Variants in C3orf38 observed in about 807,000 individuals in gnomAD.
The protein encoded by C3orf38 is chromosome 3 open reading frame 38.
C3orf38 carries 18 observed loss-of-function variants against 28.3 expected under a neutral mutation model. The ratio of observed to expected loss-of-function variants is 0.64; its 90% CI spans 0.44 to 0.94. C3orf38 has a LOEUF of 0.94. C3orf38 is among the 40% of genes least tolerant of loss of function. C3orf38 has a pLI of 0.00. For synonymous variants in C3orf38, 145 were observed against 138.1 expected (o/e 1.05, Z -0.35); for missense variants, 364 against 396.4 (o/e 0.92, Z 0.69).
At chr3:88,154,278 C>T (rs968143416) in intron 2 of C3orf38, among the ~76,000 whole-genome samples, 6 of 152,144 alleles carry the variant, frequency 3.9e-5, no homozygotes, top group African/African-American at 1.2e-4. Flanking sequence ...TGGTTTGCTG[C>T]GCCTATCAAC....
rs1279286656 is a variant in C3orf38 at position 88,156,404 on chromosome 3, T to G, written c.759T>G (p.Ile253Met). ...GNTCLGIFEQ[I>M]FGLIRCPFVE... ...CTTGTTTGGGCATTTTTGAACAAATTTTTGGACTCATCCGCTGCCCTTTTG... is the reference window on the plus strand; with the variant it reads ...CTTGTTTGGGCATTTTTGAACAAATGTTTGGACTCATCCGCTGCCCTTTTG... The change falls in exon 3 of 3, where the codon ATT becomes ATG. Residue 253 changes from isoleucine to methionine, a missense_variant. Coordinates refer to ENST00000318887, the MANE Select transcript of C3orf38 (RefSeq NM_173824.4). 3 of 1,614,208 alleles carry G rather than the reference T, an allele frequency of 1.9e-6. No homozygotes were observed. The highest frequency in any genetic ancestry group is 1.7e-6 in the Non-Finnish European group (2 of 1,180,036).
At chr3:88,151,634 A>G (rs936382360) in intron 1 of C3orf38, among the ~76,000 whole-genome samples, 2 of 152,154 alleles carry the variant, frequency 1.3e-5, no homozygotes, top group African/African-American at 4.8e-5. Context: ...TGTGTATGAG[A>G]ATGTTCAAAG....
chr3:88,153,571 G>GT (rs1196804140), intron 2 of C3orf38, 100 bp downstream of exon 2: 3 of 1,383,060 alleles, frequency 2.2e-6, no homozygotes, highest in East Asian at 2.4e-5. Flanking sequence ...TGTTTGTGGG[G>GT]TTTTTTTATT....
In C3orf38 at chr3:88,151,244, T is replaced by C. The variant is rs557945813; in HGVS notation, c.133+1059T>C. On this transcript the variant is annotated intron_variant, in intron 1 of 2. Coordinates refer to ENST00000318887, the MANE Select transcript of C3orf38 (RefSeq NM_173824.4). ...TAAGCATATGAAAGTATACTCAGCA[T>C]CTTTGGAAACTAATGAAATGAAAAC... 8.5e-5 allele frequency among the ~76,000 whole-genome samples: 13 copies of C among 152,186 alleles called. 1 individual carries two copies. In the South Asian group the frequency reaches 2.7e-3, roughly 32 times the overall value.
At chr3:88,154,299 G>A (rs774625272) in intron 2 of C3orf38, among the ~76,000 whole-genome samples, 5 of 151,994 alleles carry the variant, frequency 3.3e-5, no homozygotes, top group African/African-American at 4.8e-5. Context: ...CTATCACCTA[G>A]GTATGAAGCC....
At position 88,156,030 on chromosome 3, in the gene C3orf38, G is replaced by C. The variant is rs1220794951; in HGVS notation, c.385G>C (p.Glu129Gln). The C allele has an allele frequency of 1.3e-6, 2 of 1,536,206 alleles. No individual in the cohort carries two copies. Among genetic ancestry groups the C allele is most frequent in the African/African-American group, 2.8e-5 (2 of 71,908 alleles). The change falls in exon 3 of 3, where the codon GAA becomes CAA. Residue 129 changes from glutamate to glutamine, a missense_variant. Coordinates refer to ENST00000318887, the MANE Select transcript of C3orf38 (RefSeq NM_173824.4). ...TATTTGTTTCAATCAGCAGGTGAAA[G>C]AAGATAAAAAAGCTGAAAAAGTTGA... is the stretch of plus-strand genomic sequence containing the variant. ...DIHLFQQQVK[E>Q]DKKAEKVDFR...
chr3:88,156,632 T>C lies in C3orf38; in HGVS notation c.987T>C (p.Val329=), dbSNP rs765665291. The change falls in exon 3 of 3, where the codon GTT becomes GTC. Residue 329 remains valine, a synonymous_variant. Coordinates refer to ENST00000318887, the MANE Select transcript of C3orf38 (RefSeq NM_173824.4). The part of the protein sequence containing the change: ...QASDSGTGDQ[V] ...CGGATAGTGGAACTGGGGACCAAGT[T>C]TGAGGTAGTGGAAATGAGACATTGC... 1.2e-6 allele frequency: 2 copies of C among 1,607,684 alleles called. No homozygotes were observed. Among genetic ancestry groups the C allele is most frequent in the Non-Finnish European group, 1.7e-6 (2 of 1,177,100 alleles).
At position 88,153,256 on chromosome 3, in the gene C3orf38, A is replaced by C; in HGVS notation, c.160A>C (p.Ser54Arg). 1 of 1,613,412 alleles carries C rather than the reference A, an allele frequency of 6.2e-7. No individual in the cohort carries two copies. Among genetic ancestry groups the C allele is most frequent in the Non-Finnish European group, 8.5e-7 (1 of 1,179,820 alleles). Reference protein sequence around the residue: ...QDAVHAILAYSQSAEELLRRR... With the variant: ...QDAVHAILAYRQSAEELLRRR... The stretch of plus-strand genomic sequence containing the variant: ...TGCTGTTCATGCAATATTAGCATAC[A>C]GTCAAAGTGCAGAAGAACTTCTGAG... Residue 54 changes from serine (S) to arginine (R), a missense_variant, in exon 2 of 3, where the codon AGT becomes CGT. Ser to Arg is a moderately radical substitution (Grantham distance 110). Transcript: ENST00000318887.
chr3:88,151,286 C>A (rs1357523780), intron 1 of C3orf38, among the ~76,000 whole-genome samples: 1 of 151,800 alleles, frequency 6.6e-6, no homozygotes, highest in African/African-American at 2.4e-5. Flanking sequence ...CAGAAGTTGT[C>A]TTTTCTGTGT....
At position 88,153,256 on chromosome 3, in the gene C3orf38, A is replaced by G. The variant is rs755389277; in HGVS notation, c.160A>G (p.Ser54Gly). The G allele has an allele frequency of 6.6e-5, 106 of 1,613,294 alleles. No homozygotes were observed. Among genetic ancestry groups the G allele is most frequent in the Non-Finnish European group, 9.0e-5 (106 of 1,179,828 alleles). Residue 54 changes from serine (S) to glycine (G), a missense_variant, in exon 2 of 3, where the codon AGT becomes GGT. Physicochemically the swap from Ser to Gly is moderately conservative, Grantham distance 56. Transcript: ENST00000318887. The stretch of plus-strand genomic sequence containing the variant: ...TGCTGTTCATGCAATATTAGCATAC[A>G]GTCAAAGTGCAGAAGAACTTCTGAG... ...QDAVHAILAY[S>G]QSAEELLRRR...
At chr3:88,155,365 A>G (rs1559746431) in intron 2 of C3orf38, among the ~76,000 whole-genome samples, 2 of 151,838 alleles carry the variant, frequency 1.3e-5, no homozygotes, top group South Asian at 4.1e-4. Flanking sequence ...CCTGTGATAT[A>G]CATATATACC....
In C3orf38 at chr3:88,156,801, G is replaced by A. The variant is rs1707485968; in HGVS notation, c.*166G>A. 1 of 719,738 alleles carries A rather than the reference G, an allele frequency of 1.4e-6. No homozygotes were observed. The highest frequency in any genetic ancestry group is 2.2e-6 in the Non-Finnish European group (1 of 455,890). The allele number at this position is 719,738 out of a possible 1,614,324, so 44.6% of individuals were successfully genotyped here. A position where few individuals can be genotyped will look rare whatever the true frequency, so the allele number is the denominator to read the frequency against. On this transcript the variant is annotated 3_prime_UTR_variant, in exon 3 of 3. Coordinates refer to ENST00000318887, the MANE Select transcript of C3orf38 (RefSeq NM_173824.4). ...CAGATGTGAAAATTGACATATTTTA[G>A]TTGAAATACCTTTCTGGACTACAGA...
At chr3:88,152,354 C>T (rs1338741073) in intron 1 of C3orf38, among the ~76,000 whole-genome samples, 1 of 151,984 alleles carries the variant, frequency 6.6e-6, no homozygotes, top group Non-Finnish European at 1.5e-5. Context: ...AGGTTGCAGT[C>T]AGCTGAGATC....
At chr3:88,151,461 G>A (rs1325126277) in intron 1 of C3orf38, among the ~76,000 whole-genome samples, 3 of 152,100 alleles carry the variant, frequency 2.0e-5, no homozygotes, top group Admixed American at 1.3e-4. Flanking sequence ...ACACATACTC[G>A]AGACCTAGTC....
intron 1 of C3orf38, chr3:88,150,992 GAATT>G (rs752058368): frequency 6.6e-6 from 1 of 152,150 alleles, no homozygotes; most frequent in Non-Finnish European, 1.5e-5. Flanking sequence ...AAGTTCCAAA[GAATT>G]AAGACCGAAA....
At chr3:88,154,096 A>AT (rs1004562818) in intron 2 of C3orf38, among the ~76,000 whole-genome samples, 1 of 151,826 alleles carries the variant, frequency 6.6e-6, no homozygotes, top group Non-Finnish European at 1.5e-5. Context: ...GCTCCGTGTA[A>AT]TTTTTTTTCA....
Position 88,156,423 on chromosome 3 carries a change from C to G in C3orf38, c.778C>G (p.Pro260Ala). The change falls in exon 3 of 3, where the codon CCT becomes GCT. Residue 260 changes from proline (P) to alanine (A), a missense_variant. Pro to Ala is a conservative substitution (Grantham distance 27). Transcript: ENST00000318887. ...ACAAATTTTTGGACTCATCCGCTGC[C>G]CTTTTGTGGAGAATACTTGGAAAAT... is the stretch of plus-strand genomic sequence containing the variant. ...FEQIFGLIRC[P>A]FVENTWKIKF... is the part of the protein sequence containing the mutation. The G allele has an allele frequency of 1.2e-6, 2 of 1,614,108 alleles. No homozygotes were observed. Among genetic ancestry groups the G allele is most frequent in the South Asian group, 1.1e-5 (1 of 91,076 alleles).
chr3:88,153,561 T>C, intron 2 of C3orf38, 90 bp downstream of exon 2: 1 of 1,432,916 alleles, frequency 7.0e-7, no homozygotes, highest in Non-Finnish European at 9.5e-7. Flanking sequence ...TGGTTAATAA[T>C]GTTTGTGGGG....
intron 2 of C3orf38, among the ~76,000 whole-genome samples, chr3:88,154,401 C>T (rs1452651120): frequency 6.6e-6 from 1 of 150,392 alleles, no homozygotes; most frequent in African/African-American, 2.4e-5. Context: ...TAGAAAAAGT[C>T]CTATTGTAGA....
Sources: allele counts gnomAD v4.1 joint callset (sites outside exome capture counted in the v4.1 genomes callset), GRCh38; gene constraint gnomAD v4.1.1; transcripts MANE v1.5; gene names NCBI Gene and HGNC (gene_info 2026-07-23, HGNC 2026-07-21).